Variants in CSF1R observed in about 807,000 individuals in gnomAD.
The protein encoded by CSF1R is macrophage colony-stimulating factor 1 receptor.
A neutral mutation model predicts 110.0 loss-of-function variants in CSF1R; 40 were observed. The observed-to-expected ratio is 0.36, with a 90% CI of 0.28 to 0.47. The LOEUF (loss-of-function observed/expected upper bound fraction) is 0.47, where lower values mean the gene tolerates loss of function less well. Ranked by LOEUF, CSF1R falls within the 20% of genes least tolerant of loss-of-function variation. The pLI, the probability that CSF1R is intolerant of heterozygous loss-of-function variation, is 0.99. For synonymous variants in CSF1R, 523 were observed against 503.4 expected (o/e 1.04, Z -0.52); for missense variants, 1,052 against 1,253.0 (o/e 0.84, Z 2.42).
Position 150,080,214 on chromosome 5 carries a change from G to A in CSF1R, c.430C>T (p.Arg144Cys), listed in dbSNP as rs1214590308. 17 of 1,613,588 alleles carry A rather than the reference G, an allele frequency of 1.1e-5. No individual in the cohort carries two copies. Among genetic ancestry groups the A allele is most frequent in the Non-Finnish European group, 1.3e-5 (15 of 1,180,052 alleles). Reference protein sequence around the residue: ...LEAGVSLVRVRGRPLMRHTNY... With the variant: ...LEAGVSLVRVCGRPLMRHTNY... ...GTGTGGCGCATGAGGGGCCGGCCAC[G>A]CACACGCACCAGCGAGACGCCTGCT... The change falls in exon 3 of 21, where the codon CGT becomes TGT. Residue 144 changes from arginine (R) to cysteine (C), a missense_variant. Arg to Cys is a radical substitution (Grantham distance 180, BLOSUM62 -3). Coordinates refer to ENST00000675795, the MANE Select transcript of CSF1R (RefSeq NM_001288705.3).
At chr5:150,060,793 G>A (rs1757472856) in intron 13 of CSF1R, 69 bp downstream of exon 13, 2 of 993,504 alleles carry the variant, frequency 2.0e-6, no homozygotes, top group East Asian at 5.2e-5. Flanking sequence ...ACGGAACAAG[G>A]TAGCCCTGGG....
intron 14 of CSF1R, among the ~76,000 whole-genome samples, chr5:150,058,723 G>A (rs1395367474): frequency 2.0e-5 from 3 of 151,912 alleles, no homozygotes; most frequent in Non-Finnish European, 4.4e-5. Flanking sequence ...GTGAAGAGAT[G>A]GCCTCCTTCT....
At chr5:150,096,251 A>C (rs1303629441) in intron 1 of CSF1R, among the ~76,000 whole-genome samples, 1 of 152,124 alleles carries the variant, frequency 6.6e-6, no homozygotes, top group Non-Finnish European at 1.5e-5. Context: ...TTAGCCAAGC[A>C]TGGTGGCAGG....
Position 150,074,008 on chromosome 5 carries a change from T to C in CSF1R, c.890-515A>G, listed in dbSNP as rs554738087. Among the ~76,000 whole-genome samples, 180 of 152,286 alleles carry C rather than the reference T, an allele frequency of 1.2e-3. 1 individual carries two copies. The highest frequency in any genetic ancestry group is 4.2e-3 in the African/African-American group (173 of 41,554). ...GGGTTACCATGAATCCATGAGTCCA[T>C]AACACTCAATTCCATGATTTTTGTT... On this transcript the variant is annotated intron_variant, in intron 5 of 20. Transcript: ENST00000675795.
rs753954924 is a variant in CSF1R, at chr5:150,080,827, G to C, written c.247C>G (p.Arg83Gly). The change falls in exon 2 of 21, where the codon CGC becomes GGC. Residue 83 changes from arginine to glycine, a missense_variant. Transcript: ENST00000675795. Reference sequence around the variant, plus strand: ...AGGGGGTCTCCAGGCTCAGTGCAGCGATAGGTCCCCGTGTTTTGGAAGGTA... The same window carrying C: ...AGGGGGTCTCCAGGCTCAGTGCAGCCATAGGTCCCCGTGTTTTGGAAGGTA... Reference protein sequence around the residue: ...NATFQNTGTYRCTEPGDPLGG... With the variant: ...NATFQNTGTYGCTEPGDPLGG... 3.1e-6 allele frequency: 5 copies of C among 1,614,158 alleles called. No homozygotes were observed. Among genetic ancestry groups the C allele is most frequent in the Non-Finnish European group, 4.2e-6 (5 of 1,180,022 alleles).
chr5:150,058,429 CAGA>C (rs1293032128), intron 14 of CSF1R, among the ~76,000 whole-genome samples: 1 of 152,170 alleles, frequency 6.6e-6, no homozygotes, highest in African/African-American at 2.4e-5. Context: ...CTAGTGTTCC[CAGA>C]AGGAGAAACC....
chr5:150,104,316 C>T (rs1759485638), intron 1 of CSF1R, among the ~76,000 whole-genome samples: 3 of 152,386 alleles, frequency 2.0e-5, no homozygotes, highest in Middle Eastern at 3.4e-3. Flanking sequence ...GCCTAGGCCA[C>T]CTTGGCAGGA....
chr5:150,107,773 AGG>A (rs1268885508), intron 1 of CSF1R, among the ~76,000 whole-genome samples: 1 of 152,260 alleles, frequency 6.6e-6, no homozygotes, highest in Admixed American at 6.5e-5. Flanking sequence ...CGGCCTTTCA[AGG>A]CCTTGTTTCT....
upstream of CSF1R, among the ~76,000 whole-genome samples, chr5:150,090,737 T>C (rs1425353867): frequency 6.6e-6 from 1 of 152,116 alleles, no homozygotes; most frequent in African/African-American, 2.4e-5. Context: ...AATTCAAATA[T>C]TGCATGTCCT....
chr5:150,082,393 T>C lies in CSF1R; in HGVS notation c.50-1369A>G, dbSNP rs529259236. 1.1e-4 allele frequency among the ~76,000 whole-genome samples: 16 copies of C among 152,366 alleles called. No individual in the cohort carries two copies. The South Asian group carries it at 3.3e-3, about 32-fold the overall frequency. ...GGATGGCTTAATTCACGTTTTGATT[T>C]TGTATTCATCAGAATGTGCATCCCT... is the stretch of plus-strand genomic sequence containing the variant. On this transcript the variant is annotated intron_variant, in intron 1 of 20. Coordinates refer to ENST00000675795, the MANE Select transcript of CSF1R (RefSeq NM_001288705.3).
At chr5:150,077,572 A>C in intron 4 of CSF1R, 137 bp from the exon 5 acceptor site, 1 of 937,828 alleles carries the variant, frequency 1.1e-6, no homozygotes. Flanking sequence ...AATGGGGCTA[A>C]TACTGGCTCC....
upstream of CSF1R, among the ~76,000 whole-genome samples, chr5:150,090,027 T>G (rs959458868): frequency 1.3e-5 from 2 of 151,952 alleles, no homozygotes; most frequent in African/African-American, 4.8e-5. Context: ...AAAAATTAAC[T>G]CAAAATGAAT....
intron 1 of CSF1R, among the ~76,000 whole-genome samples, chr5:150,093,125 C>A (rs1359556248): frequency 6.6e-6 from 1 of 152,160 alleles, no homozygotes; most frequent in African/African-American, 2.4e-5. Flanking sequence ...GTCACCCAGG[C>A]TGGAGGGCAG....
upstream of CSF1R, among the ~76,000 whole-genome samples, chr5:150,088,629 G>T (rs574071402): frequency 6.6e-6 from 1 of 151,828 alleles, no homozygotes; most frequent in African/African-American, 2.4e-5. Flanking sequence ...TGCCTCCCGC[G>T]TTCAAGCTAT....
At chr5:150,057,160 C>A in intron 16 of CSF1R, 127 bp downstream of exon 16, 1 of 750,146 alleles carries the variant, frequency 1.3e-6, no homozygotes, top group Non-Finnish European at 2.2e-6. Context: ...CCAAATGACT[C>A]TCTCATACTC....
rs1316643949 is a variant in CSF1R at position 150,057,577 on chromosome 5, G to A, written c.2148C>T (p.Ser716=). The A allele has an allele frequency of 5.0e-6, 8 of 1,614,092 alleles. No homozygotes were observed. The highest frequency in any genetic ancestry group is 1.1e-5 in the South Asian group (1 of 91,084). Residue 716 remains serine, a synonymous_variant, in exon 15 of 21, where the codon TCC becomes TCT. Coordinates refer to ENST00000675795, the MANE Select transcript of CSF1R (RefSeq NM_001288705.3). ...KKYVRRDSGF[S]SQGVDTYVEM... Reference sequence around the variant, plus strand: ...CCACATAGGTGTCCACACCCTGGCTGGAGAAGCCACTGTCCCTACATAGGA... The same window carrying A: ...CCACATAGGTGTCCACACCCTGGCTAGAGAAGCCACTGTCCCTACATAGGA...
At chr5:150,108,585 A>G (rs1759620022) in intron 1 of CSF1R, among the ~76,000 whole-genome samples, 1 of 152,100 alleles carries the variant, frequency 6.6e-6, no homozygotes, top group Admixed American at 6.5e-5. Context: ...GAAAAAGAAA[A>G]ATTTTCAGAT....
Position 150,069,982 on chromosome 5 carries a change from C to G in CSF1R, c.1401G>C (p.Thr467=), listed in dbSNP as rs200733774. ...TCTCAACAGTCAGCAGGCTCTGCAC[C>G]GTCACCTTGTGGAAGGGCTCCTGGC... ...VLSQEPFHKV[T]VQSLLTVETL... Residue 467 remains threonine (T), a synonymous_variant, in exon 9 of 21, where the codon ACG becomes ACC. Transcript: ENST00000675795. 13 of 1,613,908 alleles carry G rather than the reference C, an allele frequency of 8.1e-6. No individual in the cohort carries two copies. Among genetic ancestry groups the G allele is most frequent in the Non-Finnish European group, 1.0e-5 (12 of 1,179,914 alleles).
At position 150,053,593 on chromosome 5, in the gene CSF1R, CTCCA is replaced by C. The variant is rs1757027117; in HGVS notation, c.*472_*475del. The C allele has an allele frequency of 3.9e-6, 1 of 255,780 alleles. No individual in the cohort carries two copies. Among genetic ancestry groups the C allele is most frequent in the Admixed American group, 5.0e-5 (1 of 20,092 alleles). 15.8% of individuals were successfully genotyped at this position (255,780 alleles called of 1,614,324 possible). A position where few individuals can be genotyped will look rare whatever the true frequency, so the allele number is the denominator to read the frequency against. ...TGAGATTCTTAGAGGAGCCATCCTGCTCCAAGGGGCCTGAGCTGAGTGTGGTCTG... is the reference window on the plus strand; with the variant it reads ...TGAGATTCTTAGAGGAGCCATCCTGCAGGGGCCTGAGCTGAGTGTGGTCTG... On this transcript the variant is annotated 3_prime_UTR_variant, in exon 21 of 21. Transcript: ENST00000675795.
Sources: allele counts gnomAD v4.1 joint callset (sites outside exome capture counted in the v4.1 genomes callset), GRCh38; gene constraint gnomAD v4.1.1; transcripts MANE v1.5; gene names NCBI Gene and HGNC (gene_info 2026-07-23, HGNC 2026-07-21).